HLCS: variants seen among roughly 807,000 people sequenced by gnomAD.
HLCS encodes the protein holocarboxylase synthetase.
HLCS carries 53 observed loss-of-function variants against 75.0 expected under a neutral mutation model. The ratio of observed to expected loss-of-function variants is 0.71; its 90% CI spans 0.57 to 0.89. HLCS has a LOEUF of 0.89. Among genes scored for constraint, HLCS ranks in the 40% least tolerant of loss-of-function variants. HLCS has a pLI of 0.00. For synonymous variants in HLCS, 431 were observed against 428.6 expected, an observed-to-expected ratio of 1.01 and a Z score of -0.07; for missense variants, 966 against 1,074.0, an observed-to-expected ratio of 0.90 and a Z score of 1.41.
intron 5 of HLCS, among the ~76,000 whole-genome samples, chr21:36,917,474 C>T (rs2065981651): frequency 6.6e-6 from 1 of 152,138 alleles, no homozygotes; most frequent in Non-Finnish European, 1.5e-5. Flanking sequence ...TTTCATGAAG[C>T]TGTTCAGTAT....
chr21:36,780,942 C>T (rs550556146), intron 6 of HLCS, among the ~76,000 whole-genome samples: 3 of 139,594 alleles, frequency 2.1e-5, no homozygotes, highest in African/African-American at 5.3e-5. Context: ...CACCCCCCCA[C>T]CCCCCAGGCT....
At chr21:36,778,685 C>T (rs1388874266) in intron 6 of HLCS, among the ~76,000 whole-genome samples, 3 of 152,134 alleles carry the variant, frequency 2.0e-5, no homozygotes, top group Non-Finnish European at 2.9e-5. Context: ...TTTTCTTCTC[C>T]CCTCCACTTA....
At chr21:36,984,636 T>C (rs1467170686) in intron 1 of HLCS, among the ~76,000 whole-genome samples, 1 of 152,144 alleles carries the variant, frequency 6.6e-6, no homozygotes, top group Non-Finnish European at 1.5e-5. Flanking sequence ...GAGAGTGGAA[T>C]AACAGGCATT....
chr21:36,758,263 C>T (rs565815243), intron 9 of HLCS, among the ~76,000 whole-genome samples: 81 of 152,070 alleles, frequency 5.3e-4, no homozygotes, highest in African/African-American at 1.9e-3. Context: ...GGCACCACCA[C>T]GCCCAGCTAA....
At chr21:36,775,788 T>C (rs1384745277) in intron 6 of HLCS, among the ~76,000 whole-genome samples, 1 of 152,226 alleles carries the variant, frequency 6.6e-6, no homozygotes, top group Non-Finnish European at 1.5e-5. Context: ...GAGGGTCTGC[T>C]ACTGGGAAGT....
Position 36,888,443 on chromosome 21 carries a change from AAAATATATATATATAT to A in HLCS, c.1892+8401_1892+8416del, listed in dbSNP as rs1216461039. On this transcript the variant is annotated intron_variant, in intron 6 of 10. Coordinates refer to ENST00000674895, the MANE Select transcript of HLCS (RefSeq NM_001352514.2). ...GCCCCCTTCCCATTTAAAAAAAAAA[AAAATATATATATATAT>A]ATATATATATATATATATATATATA... Among the ~76,000 whole-genome samples, 152 of 28,308 alleles carry A rather than the reference AAAATATATATATATAT, an allele frequency of 5.4e-3. 4 individuals are homozygous for A. Among genetic ancestry groups the A allele is most frequent in the African/African-American group, 0.013 (116 of 9,172 alleles). The allele number at this position is 28,308 out of a possible 152,430, so 18.6% of individuals were successfully genotyped here.
intron 7 of HLCS, among the ~76,000 whole-genome samples, chr21:36,765,995 A>G (rs929025540): frequency 2.0e-5 from 3 of 152,020 alleles, no homozygotes; most frequent in African/African-American, 4.8e-5. Flanking sequence ...TTAAAAAGGG[A>G]TTCCTGATAT....
chr21:36,871,185 T>C (rs1023165836), intron 6 of HLCS, among the ~76,000 whole-genome samples: 9 of 152,082 alleles, frequency 5.9e-5, no homozygotes, highest in Non-Finnish European at 1.2e-4. Context: ...GCATACAAAT[T>C]TAGATTTTTA....
chr21:36,775,980 T>C (rs967872566), intron 6 of HLCS, among the ~76,000 whole-genome samples: 2 of 152,322 alleles, frequency 1.3e-5, no homozygotes, highest in Admixed American at 1.3e-4. Context: ...CTTCCAAAGC[T>C]GAGAAGAAGT....
intron 6 of HLCS, among the ~76,000 whole-genome samples, chr21:36,837,947 G>A (rs1383884326): frequency 6.6e-6 from 1 of 152,082 alleles, no homozygotes; most frequent in Non-Finnish European, 1.5e-5. Flanking sequence ...ATAATCCTTA[G>A]GTAATGACCA....
At chr21:36,921,796 A>C (rs2066179560) in intron 5 of HLCS, among the ~76,000 whole-genome samples, 1 of 152,028 alleles carries the variant, frequency 6.6e-6, no homozygotes, top group African/African-American at 2.4e-5. Flanking sequence ...AGACACAAAC[A>C]CCTACACAAC....
At chr21:36,757,397 G>A (rs1052449462) in intron 9 of HLCS, among the ~76,000 whole-genome samples, 2 of 152,172 alleles carry the variant, frequency 1.3e-5, no homozygotes, top group Non-Finnish European at 2.9e-5. Flanking sequence ...GATGGTGTCT[G>A]AATAGGCTTA....
chr21:36,791,949 CA>C (rs2060879280), intron 6 of HLCS, among the ~76,000 whole-genome samples: 6 of 152,124 alleles, frequency 3.9e-5, no homozygotes, highest in Admixed American at 3.9e-4. Context: ...GGGATGGACA[CA>C]GCAGGTTTCC....
rs2089396178 is a variant in HLCS, at chr21:36,752,224, A to G, written c.*2022T>C. ...GAGGGAGGAGCGCCTGCTGGAAAGCACAGAGCACAGCAGTATGCCCGGAAC... is the reference window on the plus strand; with the variant it reads ...GAGGGAGGAGCGCCTGCTGGAAAGCGCAGAGCACAGCAGTATGCCCGGAAC... On this transcript the variant is annotated 3_prime_UTR_variant, in exon 11 of 11. Transcript: ENST00000674895. The G allele has an allele frequency of 6.5e-6, 1 of 152,702 alleles. No individual in the cohort carries two copies. The highest frequency in any genetic ancestry group is 1.5e-5 in the Non-Finnish European group (1 of 68,056). The allele number at this position is 152,702 out of a possible 1,614,324, so 9.5% of individuals were successfully genotyped here. A position where few individuals can be genotyped will look rare whatever the true frequency, so the allele number is the denominator to read the frequency against.
At chr21:36,855,522 AGC>A (rs2146163047) in intron 6 of HLCS, among the ~76,000 whole-genome samples, 1 of 143,166 alleles carries the variant, frequency 7.0e-6, no homozygotes, top group Non-Finnish European at 1.5e-5. Context: ...TGGGCAACAG[AGC>A]AAGACTCCAT....
At chr21:36,847,875 A>G (rs2062850784) in intron 6 of HLCS, among the ~76,000 whole-genome samples, 2 of 152,182 alleles carry the variant, frequency 1.3e-5, no homozygotes, top group Admixed American at 6.5e-5. Context: ...AAATTCTCTC[A>G]TCTTCTTTCA....
chr21:36,963,116 G>C (rs1306750824), intron 1 of HLCS, among the ~76,000 whole-genome samples: 1 of 152,210 alleles, frequency 6.6e-6, no homozygotes, highest in Non-Finnish European at 1.5e-5. Flanking sequence ...AGTCAGGAGT[G>C]ATTGTAGTTT....
intron 6 of HLCS, among the ~76,000 whole-genome samples, chr21:36,804,702 C>A (rs948978829): frequency 6.6e-6 from 1 of 152,128 alleles, no homozygotes; most frequent in African/African-American, 2.4e-5. Context: ...AGTTTCCTGG[C>A]CAGAACGTGG....
At chr21:36,773,705 G>T (rs1345454932) in intron 6 of HLCS, among the ~76,000 whole-genome samples, 1 of 152,176 alleles carries the variant, frequency 6.6e-6, no homozygotes, top group Non-Finnish European at 1.5e-5. Context: ...AATGGGAGGT[G>T]GCGAGGAAGA....
Sources: allele counts gnomAD v4.1 joint callset (sites outside exome capture counted in the v4.1 genomes callset), GRCh38; gene constraint gnomAD v4.1.1; transcripts MANE v1.5; gene names NCBI Gene and HGNC (gene_info 2026-07-23, HGNC 2026-07-21).